Variants in DYNC2H1 observed in about 807,000 individuals in gnomAD.
The protein encoded by DYNC2H1 is dynein cytoplasmic 2 heavy chain 1, also known as cytoplasmic dynein 2 heavy chain 1.
Under a neutral mutation model 570.0 loss-of-function variants are expected in DYNC2H1, and 410 were observed. That is an observed-to-expected ratio of 0.72 (90% CI 0.66 to 0.78). The LOEUF (loss-of-function observed/expected upper bound fraction) is 0.78. DYNC2H1 is among the 30% of genes least tolerant of loss of function. The pLI, the probability that DYNC2H1 is intolerant of heterozygous loss-of-function variation, is 0.00. For synonymous variants in DYNC2H1, 1,688 were observed against 1,677.6 expected (o/e 1.01, Z -0.15); for missense variants, 4,865 against 5,046.4 (o/e 0.96, Z 1.09).
At position 103,154,523 on chromosome 11, in the gene DYNC2H1, G is replaced by C; in HGVS notation, c.3375G>C (p.Glu1125Asp). Residue 1125 changes from glutamate (E) to aspartate (D), a missense_variant, in exon 23 of 89, where the codon GAG (glutamate) becomes GAC (aspartate). Glu to Asp is a conservative substitution (Grantham distance 45). This residue lies in a region of DYNC2H1 where 1,936 missense variants were observed against 1,962.1 expected (regional missense o/e 0.99). Transcript: ENST00000375735. ...CAAGTAGTATCTCTAAAGATATCGA[G>C]AGCTGTGCCCAAATTTGGGCCTTTT... ...SLASSISKDIESCAQIWAFYE... is the reference protein window; with the variant it reads ...SLASSISKDIDSCAQIWAFYE... The C allele has an allele frequency of 6.3e-7, 1 of 1,582,934 alleles. No homozygotes were observed. Among genetic ancestry groups the C allele is most frequent in the South Asian group, 1.2e-5 (1 of 85,626 alleles).
intron 84 of DYNC2H1, among the ~76,000 whole-genome samples, chr11:103,410,392 A>G (rs1366257334): frequency 6.6e-6 from 1 of 151,926 alleles, no homozygotes; most frequent in African/African-American, 2.4e-5. Context: ...TAATGTTTTT[A>G]TGTGTATTAC....
intron 82 of DYNC2H1, among the ~76,000 whole-genome samples, chr11:103,348,051 A>C (rs776097917): frequency 1.3e-5 from 2 of 152,196 alleles, no homozygotes; most frequent in African/African-American, 2.4e-5. Context: ...TTTCGAGGTG[A>C]TGAAAAATGT....
intron 84 of DYNC2H1, among the ~76,000 whole-genome samples, chr11:103,420,729 A>G (rs1159184729): frequency 6.6e-6 from 1 of 152,248 alleles, no homozygotes; most frequent in Non-Finnish European, 1.5e-5. Context: ...TGCAGGAAGC[A>G]CTAAATATAG....
At chr11:103,137,008 G>T (rs1165400390) in intron 17 of DYNC2H1, among the ~76,000 whole-genome samples, 1 of 150,844 alleles carries the variant, frequency 6.6e-6, no homozygotes, top group South Asian at 2.1e-4. Flanking sequence ...GTGTTTTTTG[G>T]CTGCATAAAT....
intron 29 of DYNC2H1, among the ~76,000 whole-genome samples, chr11:103,162,075 A>C (rs560998243): frequency 1.3e-4 from 20 of 152,272 alleles, no homozygotes; most frequent in African/African-American, 4.8e-4. Flanking sequence ...CCTCTCTTGT[A>C]GTTTTGTTGG....
chr11:103,474,565 T>C (rs2135865703), intron 88 of DYNC2H1, among the ~76,000 whole-genome samples: 1 of 152,328 alleles, frequency 6.6e-6, no homozygotes, highest in African/African-American at 2.4e-5. Context: ...ATATCTAATA[T>C]GGTAGTCCCT....
chr11:103,477,805 G>C (rs562832652), intron 88 of DYNC2H1, among the ~76,000 whole-genome samples: 13 of 132,954 alleles, frequency 9.8e-5, no homozygotes, highest in Non-Finnish European at 1.9e-4. Flanking sequence ...CACTCCAGCC[G>C]GGGCGACAGA....
At chr11:103,220,834 T>G in intron 57 of DYNC2H1, 51 bp downstream of exon 57, 1 of 1,508,972 alleles carries the variant, frequency 6.6e-7, no homozygotes, top group South Asian at 1.2e-5. Context: ...AATGACACAT[T>G]CTTTCGTAGT....
chr11:103,125,241 G>T lies in DYNC2H1; in HGVS notation c.1803G>T (p.Gln601His). The T allele has an allele frequency of 7.4e-6, 12 of 1,612,622 alleles. No individual in the cohort carries two copies. The highest frequency in any genetic ancestry group is 1.0e-5 in the Non-Finnish European group (12 of 1,179,308). Reference protein sequence around the residue: ...ALGFVIPAKIQQVANIAQKFC... With the variant: ...ALGFVIPAKIHQVANIAQKFC... ...GCTTTGTTATTCCTGCCAAAATACAGCAAGTTGCAAACATTGCACAGAAAT... is the reference window on the plus strand; with the variant it reads ...GCTTTGTTATTCCTGCCAAAATACATCAAGTTGCAAACATTGCACAGAAAT... Residue 601 changes from glutamine (Q) to histidine (H), a missense_variant, in exon 12 of 89, where the codon CAG becomes CAT. Physicochemically the swap from Gln to His is conservative, Grantham distance 24. Around this residue, in one of 5 missense-constraint regions of DYNC2H1, gnomAD observed 1,936 missense variants for 1,962.1 expected, o/e 0.99. Transcript: ENST00000375735.
Position 103,154,392 on chromosome 11 carries a change from C to T in DYNC2H1, c.3303-59C>T, listed in dbSNP as rs1172288240. On this transcript the variant is annotated intron_variant, in intron 22 of 88. Coordinates refer to ENST00000375735, the MANE Select transcript of DYNC2H1 (RefSeq NM_001377.3). Reference sequence around the variant, plus strand: ...ATTGCAGTTAAGTAACTTAATGATACTTAACAGTATCAATATTTCTGTTTT... The same window carrying T: ...ATTGCAGTTAAGTAACTTAATGATATTTAACAGTATCAATATTTCTGTTTT... 1.4e-5 allele frequency: 20 copies of T among 1,426,836 alleles called. No homozygotes were observed. In the Admixed American group the frequency reaches 5.5e-4, roughly 39 times the overall value. The allele number at this position is 1,426,836 out of a possible 1,614,324, so 88.4% of individuals were successfully genotyped here. A position where few individuals can be genotyped will look rare whatever the true frequency, so the allele number is the denominator to read the frequency against.
At chr11:103,383,106 AG>A (rs943359498) in intron 83 of DYNC2H1, among the ~76,000 whole-genome samples, 1 of 152,106 alleles carries the variant, frequency 6.6e-6, no homozygotes, top group African/African-American at 2.4e-5. Context: ...GATGTGTTTG[AG>A]GGGGGGATTC....
chr11:103,408,827 G>A (rs1942973151), intron 84 of DYNC2H1, among the ~76,000 whole-genome samples: 1 of 152,004 alleles, frequency 6.6e-6, no homozygotes, highest in East Asian at 1.9e-4. Flanking sequence ...TTGTTCGGAG[G>A]TTAAATTATG....
intron 84 of DYNC2H1, among the ~76,000 whole-genome samples, chr11:103,424,862 A>G (rs1452182739): frequency 6.6e-6 from 1 of 152,170 alleles, no homozygotes; most frequent in African/African-American, 2.4e-5. Flanking sequence ...ATTTTATAGT[A>G]TTTCTTCTAT....
intron 84 of DYNC2H1, among the ~76,000 whole-genome samples, chr11:103,422,179 C>T (rs551139357): frequency 1.3e-5 from 2 of 152,162 alleles, no homozygotes; most frequent in Non-Finnish European, 2.9e-5. Flanking sequence ...ATAATGAATT[C>T]TGAAATTGAG....
chr11:103,464,151 T>G (rs985565257), intron 87 of DYNC2H1, among the ~76,000 whole-genome samples: 2 of 152,230 alleles, frequency 1.3e-5, no homozygotes, highest in African/African-American at 4.8e-5. Context: ...AAAAGTTAAC[T>G]ATTTTAGTTT....
intron 53 of DYNC2H1, 137 bp downstream of exon 53, chr11:103,210,097 A>G (rs922611464): frequency 9.4e-7 from 1 of 1,063,552 alleles, no homozygotes; most frequent in Non-Finnish European, 1.2e-6. Flanking sequence ...ATTTCTTCTG[A>G]TGCAAACAAA....
chr11:103,116,106 A>G (rs1858376452), intron 4 of DYNC2H1, among the ~76,000 whole-genome samples: 1 of 151,914 alleles, frequency 6.6e-6, no homozygotes, highest in Admixed American at 6.5e-5. Flanking sequence ...ATATTTTAAT[A>G]GACTGTTTTA....
At chr11:103,281,642 G>A (rs981786815) in intron 71 of DYNC2H1, among the ~76,000 whole-genome samples, 2 of 151,296 alleles carry the variant, frequency 1.3e-5, no homozygotes, top group African/African-American at 2.4e-5. Flanking sequence ...TGTCTAACTT[G>A]GGGATGCCAT....
At chr11:103,435,908 A>G in intron 84 of DYNC2H1, 35 bp from the exon 85 acceptor site, 1 of 1,600,700 alleles carries the variant, frequency 6.2e-7, no homozygotes, top group Middle Eastern at 1.7e-4. Context: ...AGTATCATAT[A>G]CACAAACTTA....
Sources: gnomAD v4.1 joint callset for allele counts (sites outside exome capture counted in the v4.1 genomes callset) on GRCh38, gnomAD v4.1.1 for gene constraint, gnomAD v4.1.1 regional missense constraint, MANE v1.5 for transcripts, NCBI Gene and HGNC (gene_info 2026-07-23, HGNC 2026-07-21) for gene names.